MTCL1: variants seen among roughly 807,000 people sequenced by gnomAD.
MTCL1 encodes microtubule cross-linking factor 1.
MTCL1 carries 79 observed loss-of-function variants against 141.4 expected under a neutral mutation model. That is an observed-to-expected ratio of 0.56 (90% CI 0.47 to 0.67). The LOEUF (loss-of-function observed/expected upper bound fraction) is 0.67, where lower values mean the gene tolerates loss of function less well. MTCL1 is among the 30% of genes least tolerant of loss of function. The pLI is 0.00. For synonymous variants in MTCL1, 914 were observed against 875.8 expected (o/e 1.04, Z -0.77); for missense variants, 2,177 against 2,113.9 (o/e 1.03, Z -0.59).
rs1177611717 is a variant in MTCL1 at position 8,828,109 on chromosome 18, C to T, written c.4723-799C>T. Among the ~76,000 whole-genome samples the T allele has an allele frequency of 6.6e-6, 1 of 152,120 alleles. No homozygotes were observed. The highest frequency in any genetic ancestry group is 2.1e-4 in the South Asian group (1 of 4,804). ...TTGTTCTGAATTGATGTAATATATT[C>T]AGGCCATTGCAACCCCTTCCCATTG... On this transcript the variant is annotated intron_variant, in intron 15 of 16. Transcript: ENST00000359865. This position sits in a 1 kb window ranked among gnomAD's most constrained non-coding sequence, Gnocchi z 5.2.
chr18:8,832,007 A>G, exon 17 of MTCL1: 1 of 644,416 alleles, frequency 1.6e-6, no homozygotes, highest in Non-Finnish European at 2.6e-6. Flanking sequence ...TAATAACTTA[A>G]TTTTTTTCAT....
intron 3 of MTCL1, chr18:8,720,043 T>G: frequency 3.7e-6 from 1 of 271,848 alleles, no homozygotes; most frequent in Non-Finnish European, 6.9e-6. Flanking sequence ...TTTAAAGCCA[T>G]TTAAATTTAG....
At chr18:8,714,151 A>G (rs16954001), upstream of MTCL1, among the ~76,000 whole-genome samples, 1,205 of 152,306 alleles carry the variant, frequency 7.9e-3, 17 homozygotes, top group African/African-American at 0.028. Context: ...TGAAGCAAAT[A>G]ATTTATGGTA....
At chr18:8,705,633 G>C (rs1232009416), upstream of MTCL1, 11 of 1,211,062 alleles carry the variant, frequency 9.1e-6, no homozygotes, top group Non-Finnish European at 1.1e-5. This position sits in a 1 kb window ranked among gnomAD's most constrained non-coding sequence, Gnocchi z 5.2. Context: ...AGCATCTGCT[G>C]CCTGAGCTGC....
intron 7 of MTCL1, among the ~76,000 whole-genome samples, chr18:8,788,001 A>G (rs759951008): frequency 3.9e-4 from 41 of 104,868 alleles, no homozygotes; most frequent in Non-Finnish European, 6.9e-4. Context: ...GAATTGTACA[A>G]TGGATAATTC....
chr18:8,764,269 C>T (rs1182255572), intron 4 of MTCL1, among the ~76,000 whole-genome samples: 2 of 151,082 alleles, frequency 1.3e-5, no homozygotes, highest in African/African-American at 4.9e-5. Context: ...AAGCAAATTA[C>T]TTCATTTGAT....
chr18:8,786,035 G>A lies in MTCL1; in HGVS notation c.1831G>A (p.Ala611Thr), dbSNP rs377158398. ...AGCCGCGCGGGAGCTGCACCGCCGC[G>A]CAGACGGGGACACCGGGAGCCACGG... The change falls in exon 7 of 17, where the codon GCA becomes ACA. Residue 611 changes from alanine to threonine, a missense_variant. Physicochemically the swap from Ala to Thr is moderately conservative, Grantham distance 58. Transcript: ENST00000359865. The A allele has an allele frequency of 7.0e-5, 113 of 1,605,174 alleles. 1 individual carries two copies. The highest frequency in any genetic ancestry group is 4.3e-4 in the South Asian group (39 of 90,446).
intron 4 of MTCL1, among the ~76,000 whole-genome samples, chr18:8,722,931 G>T (rs2096183097): frequency 6.6e-6 from 1 of 152,192 alleles, no homozygotes; most frequent in African/African-American, 2.4e-5. Context: ...AGGAAGAAAT[G>T]ATTATTGTTA....
chr18:8,708,374 A>G (rs1456119187), intron 1 of MTCL1, among the ~76,000 whole-genome samples: 2 of 152,196 alleles, frequency 1.3e-5, no homozygotes, highest in African/African-American at 4.8e-5. Context: ...TTCCCAATGA[A>G]TGAAATGTGT....
At chr18:8,809,446 A>G in intron 11 of MTCL1, 1 of 1,535,054 alleles carries the variant, frequency 6.5e-7, no homozygotes, top group Non-Finnish European at 8.7e-7. Context: ...ATTTCCCGTT[A>G]GAATTGTTGT....
At chr18:8,732,622 G>A (rs540245996) in intron 4 of MTCL1, among the ~76,000 whole-genome samples, 18 of 152,032 alleles carry the variant, frequency 1.2e-4, no homozygotes, top group African/African-American at 4.1e-4. Flanking sequence ...AAAATCATTC[G>A]CATTGAAAAG....
intron 4 of MTCL1, among the ~76,000 whole-genome samples, chr18:8,774,236 TAC>T (rs1324079672): frequency 6.7e-6 from 1 of 148,468 alleles, no homozygotes; most frequent in Admixed American, 6.6e-5. Flanking sequence ...CACAAACACA[TAC>T]ACACACTCTT....
intron 4 of MTCL1, among the ~76,000 whole-genome samples, chr18:8,748,539 C>T (rs1255851350): frequency 6.6e-6 from 1 of 151,750 alleles, no homozygotes; most frequent in Admixed American, 6.6e-5. Flanking sequence ...AAAGCAAGAC[C>T]CTGTCTCCAA....
At chr18:8,811,322 C>T (rs552702635) in intron 11 of MTCL1, 4 of 152,334 alleles carry the variant, frequency 2.6e-5, no homozygotes, top group African/African-American at 9.6e-5. Context: ...GGAGAGGTTA[C>T]TCACTCCCCG....
chr18:8,750,671 G>T (rs1291804202), intron 4 of MTCL1, among the ~76,000 whole-genome samples: 1 of 152,228 alleles, frequency 6.6e-6, no homozygotes, highest in African/African-American at 2.4e-5. Flanking sequence ...ACACTGCCCT[G>T]CAACGGTCTT....
At chr18:8,750,746 T>G (rs1177942148) in intron 4 of MTCL1, among the ~76,000 whole-genome samples, 1 of 152,232 alleles carries the variant, frequency 6.6e-6, no homozygotes, top group East Asian at 1.9e-4. Flanking sequence ...TTGAATGCAT[T>G]GCAGTTATAA....
chr18:8,749,927 A>C (rs916411644), intron 4 of MTCL1, among the ~76,000 whole-genome samples: 42 of 152,380 alleles, frequency 2.8e-4, no homozygotes, highest in African/African-American at 9.9e-4. Context: ...GAGTAACTTT[A>C]CTACTAAGAC....
chr18:8,750,921 C>T (rs1360985457), intron 4 of MTCL1, among the ~76,000 whole-genome samples: 5 of 152,156 alleles, frequency 3.3e-5, no homozygotes, highest in Admixed American at 2.6e-4. Context: ...TCTCTGGATG[C>T]GTTGATAAAG....
rs1180411586 is a variant in MTCL1, at chr18:8,720,507, A to C, written c.357+11A>C. ...GAGAGACTGAAAGAGGTAATCCAAAACTGTGGGGGTCCTGCCCCCTTGGAT... is the reference window on the plus strand; with the variant it reads ...GAGAGACTGAAAGAGGTAATCCAAACCTGTGGGGGTCCTGCCCCCTTGGAT... On this transcript the variant is annotated intron_variant, in intron 4 of 16. Coordinates refer to ENST00000359865, the Ensembl canonical transcript of MTCL1. 14 of 1,612,432 alleles carry C rather than the reference A, an allele frequency of 8.7e-6. No individual in the cohort carries two copies. Among genetic ancestry groups the C allele is most frequent in the Non-Finnish European group, 1.2e-5 (14 of 1,178,958 alleles).
Sources: gnomAD v4.1 joint callset for allele counts (sites outside exome capture counted in the v4.1 genomes callset) on GRCh38, gnomAD v4.1.1 for gene constraint, Gnocchi (gnomAD v3.1) non-coding constraint, MANE v1.5 for transcripts, NCBI Gene and HGNC (gene_info 2026-07-23, HGNC 2026-07-21) for gene names.